Variants in TULP4 observed in about 807,000 individuals in gnomAD.
TULP4 encodes TUB like protein 4, also known as tubby-related protein 4.
TULP4 carries 16 observed loss-of-function variants against 129.0 expected under a neutral mutation model. That is an observed-to-expected ratio of 0.12 (90% CI 0.08 to 0.19). TULP4 has a LOEUF of 0.19. Ranked by LOEUF, TULP4 falls within the 10% of genes least tolerant of loss-of-function variation. TULP4 has a pLI of 1.00. For missense variants in TULP4, 1,842 were observed against 2,059.1 expected (o/e 0.89, Z 2.04); for synonymous variants, 998 against 854.0 (o/e 1.17, Z -2.94).
intron 1 of TULP4, among the ~76,000 whole-genome samples, chr6:158,284,889 C>T (rs1371326176): frequency 6.6e-6 from 1 of 152,192 alleles, no homozygotes; most frequent in African/African-American, 2.4e-5. Context: ...ATGATACCTA[C>T]CTCACAGGGT....
At chr6:158,232,226 C>T (rs1194219778), upstream of TULP4, 5 of 148,486 alleles carry the variant, frequency 3.4e-5, no homozygotes, top group African/African-American at 7.4e-5. Flanking sequence ...GGGGAGGCGG[C>T]GGCGGCGGCG....
intron 1 of TULP4, among the ~76,000 whole-genome samples, chr6:158,306,882 T>C (rs1779225006): frequency 6.6e-6 from 1 of 152,104 alleles, no homozygotes; most frequent in Admixed American, 6.5e-5. Context: ...TAACTGGATG[T>C]GGTGGTGTGC....
At chr6:158,288,374 C>T (rs975260252) in intron 1 of TULP4, among the ~76,000 whole-genome samples, 7 of 151,940 alleles carry the variant, frequency 4.6e-5, no homozygotes, top group Non-Finnish European at 7.4e-5. Context: ...GGATTTCTAG[C>T]ACAGCATGAT....
chr6:158,411,126 G>GA (rs79023085), intron 1 of TULP4, among the ~76,000 whole-genome samples: 1,512 of 52,076 alleles, frequency 0.029, 19 homozygotes, highest in African/African-American at 0.06. Context: ...AGGTAAAAGT[G>GA]AAAAAAAAAA....
chr6:158,426,191 A>G (rs966590092), intron 2 of TULP4, among the ~76,000 whole-genome samples: 1 of 151,840 alleles, frequency 6.6e-6, no homozygotes, highest in African/African-American at 2.4e-5. Context: ...TACTTTATTG[A>G]TAGTTTCTTT....
At chr6:158,489,451 C>A in intron 8 of TULP4, 137 bp from the exon 9 acceptor site, 1 of 1,022,930 alleles carries the variant, frequency 9.8e-7, no homozygotes, top group Non-Finnish European at 1.4e-6. Flanking sequence ...CAATGCCAAG[C>A]TTCTTTTTGG....
intron 1 of TULP4, among the ~76,000 whole-genome samples, chr6:158,382,840 G>T (rs977505588): frequency 2.0e-5 from 3 of 152,188 alleles, no homozygotes; most frequent in African/African-American, 7.2e-5. Context: ...ATTTATTTGA[G>T]AAATTTAGTT....
At chr6:158,365,540 G>A (rs190701762) in intron 1 of TULP4, among the ~76,000 whole-genome samples, 16 of 147,498 alleles carry the variant, frequency 1.1e-4, no homozygotes, top group East Asian at 4.1e-4. Flanking sequence ...GCAGTGGTGC[G>A]ATCTCAGCTC....
intron 11 of TULP4, among the ~76,000 whole-genome samples, 160 bp downstream of exon 11, chr6:158,495,006 A>G (rs970911700): frequency 6.6e-6 from 1 of 152,218 alleles, no homozygotes; most frequent in African/African-American, 2.4e-5. Flanking sequence ...GTGATTTCAC[A>G]AAAATTAGAA....
chr6:158,326,207 A>G (rs1779743391), intron 1 of TULP4, among the ~76,000 whole-genome samples: 1 of 152,194 alleles, frequency 6.6e-6, no homozygotes, highest in South Asian at 2.1e-4. Flanking sequence ...TTTTCTCCTC[A>G]TGATAAAAAT....
chr6:158,308,718 C>T, upstream of TULP4, among the ~76,000 whole-genome samples: 1 of 147,914 alleles, frequency 6.8e-6, no homozygotes. Context: ...GGCAGAGGCG[C>T]CCCTCACCTC....
chr6:158,495,592 C>T (rs1489745086), intron 11 of TULP4, among the ~76,000 whole-genome samples: 1 of 152,134 alleles, frequency 6.6e-6, no homozygotes, highest in African/African-American at 2.4e-5. Context: ...CCTGTAATCC[C>T]AGCACTTTGG....
rs1194339118 is a variant in TULP4 at position 158,402,678 on chromosome 6, A to C, written c.253-10387A>C. On this transcript the variant is annotated intron_variant, in intron 1 of 13. Coordinates refer to ENST00000367097, the MANE Select transcript of TULP4 (RefSeq NM_020245.5). ...AGATCAGTTTTTTAAAGACATGTTT[A>C]TTTGGAAGATAATGCCATATTAAAG... 2.0e-5 allele frequency among the ~76,000 whole-genome samples: 3 copies of C among 152,190 alleles called. No individual in the cohort carries two copies. In the South Asian group the frequency reaches 6.2e-4, roughly 32 times the overall value.
intron 1 of TULP4, among the ~76,000 whole-genome samples, chr6:158,354,871 G>C (rs1361620440): frequency 8.0e-6 from 1 of 124,240 alleles, no homozygotes; most frequent in African/African-American, 3.2e-5. Context: ...CTAGGTGACA[G>C]AGCAAGACCC....
Position 158,373,576 on chromosome 6 carries a change from A to C in TULP4, c.253-39489A>C, listed in dbSNP as rs114527898. On this transcript the variant is annotated intron_variant, in intron 1 of 13. Transcript: ENST00000367097. ...ACTATGGAGTTTATCTCCACGTGGT[A>C]ATACTGTCTTAATGAAATTAATACT... Among the ~76,000 whole-genome samples the C allele has an allele frequency of 9.3e-3, 1,416 of 152,274 alleles. 17 individuals are homozygous for C. Among genetic ancestry groups the C allele is most frequent in the African/African-American group, 0.033 (1,355 of 41,548 alleles).
chr6:158,243,822 T>C (rs2128447843), intron 1 of TULP4, among the ~76,000 whole-genome samples: 1 of 150,598 alleles, frequency 6.6e-6, no homozygotes, highest in South Asian at 2.1e-4. Flanking sequence ...GGTTACATCC[T>C]GTCATTTAGT....
At chr6:158,388,853 T>C (rs536709842) in intron 1 of TULP4, among the ~76,000 whole-genome samples, 1 of 152,198 alleles carries the variant, frequency 6.6e-6, no homozygotes, top group East Asian at 1.9e-4. Flanking sequence ...CAGACCAGAG[T>C]GGATCCCAGT....
chr6:158,433,497 G>A (rs1219303948), intron 3 of TULP4, among the ~76,000 whole-genome samples: 3 of 152,144 alleles, frequency 2.0e-5, no homozygotes, highest in African/African-American at 7.2e-5. Flanking sequence ...GGTAGATCAC[G>A]AGGTCAGGAG....
intron 8 of TULP4, chr6:158,481,497 T>C (rs920740470): frequency 3.9e-4 from 234 of 603,546 alleles, no homozygotes; most frequent in Non-Finnish European, 5.2e-4. Flanking sequence ...TTTAATCATA[T>C]TCCATGGGCA....
Sources: gnomAD v4.1 joint callset for allele counts (sites outside exome capture counted in the v4.1 genomes callset) on GRCh38, gnomAD v4.1.1 for gene constraint, MANE v1.5 for transcripts, NCBI Gene and HGNC (gene_info 2026-07-23, HGNC 2026-07-21) for gene names.